The following FARS2 variants were observed in gnomAD, a reference collection of about 807,000 sequenced individuals.
FARS2 encodes the protein phenylalanyl-tRNA synthetase 2, mitochondrial.
A neutral mutation model predicts 46.4 loss-of-function variants in FARS2; 40 were observed. The observed-to-expected ratio is 0.86, with a 90% CI of 0.67 to 1.12. The LOEUF is 1.12. FARS2 is among the 50% of genes most tolerant of loss of function. FARS2 has a pLI of 0.00. For synonymous variants in FARS2, 234 were observed against 214.9 expected (o/e 1.09, Z -0.78); for missense variants, 513 against 567.9 (o/e 0.90, Z 0.98).
At chr6:5,378,616 C>T (rs1759543763) in intron 2 of FARS2, among the ~76,000 whole-genome samples, 3 of 152,144 alleles carry the variant, frequency 2.0e-5, no homozygotes, top group South Asian at 2.1e-4. Context: ...GTTTTATTCT[C>T]CACCGTGTGG....
chr6:5,685,346 AT>A (rs1757116215), intron 6 of FARS2, among the ~76,000 whole-genome samples: 1 of 152,164 alleles, frequency 6.6e-6, no homozygotes, highest in Non-Finnish European at 1.5e-5. Flanking sequence ...TATTGAAAAG[AT>A]TTAGGTGGGG....
intron 3 of FARS2, among the ~76,000 whole-genome samples, chr6:5,411,602 C>G: frequency 6.6e-6 from 1 of 151,956 alleles, no homozygotes; most frequent in East Asian, 1.9e-4. Flanking sequence ...TATTGGATTC[C>G]TTTGTTCTTG....
chr6:5,518,102 G>A (rs1161981390), intron 4 of FARS2, among the ~76,000 whole-genome samples: 1 of 152,220 alleles, frequency 6.6e-6, no homozygotes, highest in Non-Finnish European at 1.5e-5. Context: ...GCTCTAGGCT[G>A]TGTGGGTGAT....
At chr6:5,285,467 G>T (rs1767041574) in intron 1 of FARS2, among the ~76,000 whole-genome samples, 1 of 152,194 alleles carries the variant, frequency 6.6e-6, no homozygotes, top group Non-Finnish European at 1.5e-5. Context: ...ACCTTTGTGA[G>T]CAAAATGCTG....
At position 5,727,222 on chromosome 6, in the gene FARS2, A is replaced by T. The variant is rs1485451086; in HGVS notation, c.1218-44069A>T. ...GGGCATGGGAGGGGCTGTTCCTCTC[A>T]TCACTAGTTTTATTCAGTGGTTCAG... On this transcript the variant is annotated intron_variant, in intron 6 of 6. Coordinates refer to ENST00000274680, the MANE Select transcript of FARS2 (RefSeq NM_006567.5). This position sits in a 1 kb window ranked among gnomAD's most constrained non-coding sequence, Gnocchi z 4.1. Among the ~76,000 whole-genome samples the T allele has an allele frequency of 6.6e-6, 1 of 152,124 alleles. No homozygotes were observed. Among genetic ancestry groups the T allele is most frequent in the East Asian group, 1.9e-4 (1 of 5,196 alleles).
intron 4 of FARS2, among the ~76,000 whole-genome samples, chr6:5,485,596 T>C (rs1766727284): frequency 6.6e-6 from 1 of 152,246 alleles, no homozygotes; most frequent in Non-Finnish European, 1.5e-5. Context: ...AAGAGCCTGA[T>C]AGTAAATACT....
chr6:5,727,164 G>T lies in FARS2; in HGVS notation c.1218-44127G>T, dbSNP rs1398195165. 6.6e-6 allele frequency among the ~76,000 whole-genome samples: 1 copy of T among 152,126 alleles called. No individual in the cohort carries two copies. The highest frequency in any genetic ancestry group is 1.5e-5 in the Non-Finnish European group (1 of 68,008). On this transcript the variant is annotated intron_variant, in intron 6 of 6. Transcript: ENST00000274680. The surrounding 1 kb of genome is among the most constrained non-coding windows in gnomAD (Gnocchi z 4.1). ...TGCATGGCACCCAGGAAGCTGCTCAGTCAACAGTAACGGCGGCTGCTGCTG... is the reference window on the plus strand; with the variant it reads ...TGCATGGCACCCAGGAAGCTGCTCATTCAACAGTAACGGCGGCTGCTGCTG...
chr6:5,294,957 A>G (rs960892132), intron 1 of FARS2, among the ~76,000 whole-genome samples: 4 of 152,186 alleles, frequency 2.6e-5, no homozygotes, highest in African/African-American at 9.7e-5. Context: ...ACATACAGTC[A>G]AAGGAGGGCA....
At chr6:5,454,920 G>T (rs977811338) in intron 4 of FARS2, among the ~76,000 whole-genome samples, 3 of 152,146 alleles carry the variant, frequency 2.0e-5, no homozygotes, top group Non-Finnish European at 4.4e-5. Context: ...AGTAGCACCT[G>T]CATGTCTTGT....
intron 6 of FARS2, among the ~76,000 whole-genome samples, chr6:5,729,289 C>G (rs1198765499): frequency 6.6e-6 from 1 of 152,142 alleles, no homozygotes; most frequent in African/African-American, 2.4e-5. Flanking sequence ...ATGAGGTGTC[C>G]CCAGAGCATC....
At chr6:5,430,466 T>A (rs1334606902) in intron 3 of FARS2, among the ~76,000 whole-genome samples, 2 of 152,104 alleles carry the variant, frequency 1.3e-5, no homozygotes, top group African/African-American at 4.8e-5. Flanking sequence ...TTTTTAATCA[T>A]TCATCTGTAG....
intron 6 of FARS2, among the ~76,000 whole-genome samples, chr6:5,766,507 C>T (rs1167393962): frequency 6.6e-6 from 1 of 152,252 alleles, no homozygotes; most frequent in Admixed American, 6.5e-5. Flanking sequence ...AGCATGGGCT[C>T]ATTCCATCTC....
intron 1 of FARS2, among the ~76,000 whole-genome samples, chr6:5,266,158 G>A (rs1233014808): frequency 6.6e-6 from 1 of 152,188 alleles, no homozygotes; most frequent in Non-Finnish European, 1.5e-5. Flanking sequence ...AAGGATGAAG[G>A]AGAAACCCTG....
At chr6:5,720,480 G>C (rs1311101864) in intron 6 of FARS2, among the ~76,000 whole-genome samples, 1 of 152,162 alleles carries the variant, frequency 6.6e-6, no homozygotes, top group Non-Finnish European at 1.5e-5. Flanking sequence ...AGCTTCAGAA[G>C]GCAGACAAAT....
chr6:5,337,998 G>T (rs1368360340), intron 1 of FARS2, among the ~76,000 whole-genome samples: 1 of 152,148 alleles, frequency 6.6e-6, no homozygotes, highest in Non-Finnish European at 1.5e-5. Context: ...TATTAAAATA[G>T]TAGATTTGAA....
chr6:5,767,209 C>T (rs923376402), intron 6 of FARS2, among the ~76,000 whole-genome samples: 4 of 151,996 alleles, frequency 2.6e-5, no homozygotes, highest in Non-Finnish European at 5.9e-5. Context: ...GCGCCCTCCA[C>T]CACACCTGGC....
intron 4 of FARS2, among the ~76,000 whole-genome samples, chr6:5,468,851 G>A (rs1373720370): frequency 6.6e-6 from 1 of 152,188 alleles, no homozygotes; most frequent in African/African-American, 2.4e-5. Context: ...ATGTATGGGA[G>A]ATGTTCCTGG....
chr6:5,478,874 T>A (rs1412223895), intron 4 of FARS2, among the ~76,000 whole-genome samples: 1 of 152,006 alleles, frequency 6.6e-6, no homozygotes, highest in Non-Finnish European at 1.5e-5. Context: ...AAGGAGAGAG[T>A]GCTCAGGCCT....
At chr6:5,600,664 T>G (rs1412625190) in intron 5 of FARS2, among the ~76,000 whole-genome samples, 1 of 152,200 alleles carries the variant, frequency 6.6e-6, no homozygotes, top group Admixed American at 6.5e-5. Context: ...TTTAAGTGAA[T>G]TTAGATAAGA....
Sources: gnomAD v4.1 joint callset for allele counts (sites outside exome capture counted in the v4.1 genomes callset) on GRCh38, gnomAD v4.1.1 for gene constraint, Gnocchi (gnomAD v3.1) non-coding constraint, MANE v1.5 for transcripts, NCBI Gene and HGNC (gene_info 2026-07-23, HGNC 2026-07-21) for gene names.